Variants in LRP2 observed in about 807,000 individuals in gnomAD.
The protein encoded by LRP2 is LDL receptor related protein 2.
LRP2 carries 172 observed loss-of-function variants against 531.0 expected under a neutral mutation model. The observed-to-expected ratio is 0.32, with a 90% CI of 0.29 to 0.37. The LOEUF (loss-of-function observed/expected upper bound fraction) is 0.37, where lower values mean the gene tolerates loss of function less well. LRP2 is among the 10% of genes least tolerant of loss of function. The probability of loss-of-function intolerance (pLI) is 1.00; values close to 1 mark genes in which losing one functional copy is unlikely to be tolerated. For missense variants in LRP2, 5,167 were observed against 5,868.3 expected (o/e 0.88, Z 3.90); for synonymous variants, 1,992 against 2,027.6 (o/e 0.98, Z 0.47).
chr2:169,317,193 G>A (rs1044033684), intron 3 of LRP2, among the ~76,000 whole-genome samples: 3 of 152,150 alleles, frequency 2.0e-5, no homozygotes, highest in African/African-American at 7.2e-5. Context: ...CTTTTCCCAA[G>A]CAGTTGCCCT....
chr2:169,299,135 G>GAAAGAAAAAAAGAAAGAAAGAA (rs1684216594), intron 4 of LRP2, among the ~76,000 whole-genome samples: 3 of 64,214 alleles, frequency 4.7e-5, no homozygotes, highest in African/African-American at 1.7e-4. Flanking sequence ...AAGAAAGAAA[G>GAAAGAAAAAAAGAAAGAAAGAA]AAAGAAAGAA....
chr2:169,226,647 G>A, intron 31 of LRP2, 59 bp from the exon 32 acceptor site: 1 of 1,308,386 alleles, frequency 7.6e-7, no homozygotes, highest in African/African-American at 1.4e-5. Flanking sequence ...GACATTTAGA[G>A]TAATGGAAGG....
intron 61 of LRP2, among the ~76,000 whole-genome samples, chr2:169,167,234 T>C (rs1353196744): frequency 1.3e-5 from 2 of 152,198 alleles, no homozygotes; most frequent in Non-Finnish European, 2.9e-5. Context: ...GGCTAGTTCC[T>C]AACAAGTAAA....
intron 35 of LRP2, among the ~76,000 whole-genome samples, chr2:169,214,728 T>G (rs777265727): frequency 6.6e-6 from 1 of 152,178 alleles, no homozygotes; most frequent in Non-Finnish European, 1.5e-5. Flanking sequence ...TGTTGGGAGC[T>G]ACTCCTCAGG....
rs140468505 is a variant in LRP2, at chr2:169,186,061, C to T, written c.9329-42G>A. The T allele has an allele frequency of 3.8e-5, 59 of 1,563,258 alleles. No homozygotes were observed. The East Asian group carries it at 6.0e-4, about 16-fold the overall frequency. ...GTTCTTAGAGATCCTAAAATATCAA[C>T]GACCAACTCACTATAATGGTTCAAA... On this transcript the variant is annotated intron_variant, in intron 49 of 78. Transcript: ENST00000649046.
At chr2:169,179,676 C>T (rs1329479232) in intron 52 of LRP2, among the ~76,000 whole-genome samples, 3 of 151,590 alleles carry the variant, frequency 2.0e-5, no homozygotes, top group South Asian at 2.1e-4. Context: ...GCCGAGATCA[C>T]GCCATCGCAC....
Position 169,269,890 on chromosome 2 carries a change from A to C in LRP2, c.2320+1014T>G, listed in dbSNP as rs1574203879. Among the ~76,000 whole-genome samples the C allele has an allele frequency of 2.6e-5, 4 of 152,230 alleles. No individual in the cohort carries two copies. The South Asian group carries it at 8.3e-4, about 31-fold the overall frequency. ...GGGCTAATATCCAGAATCTACAAAG[A>C]ACTTAAACAAATTTACAAGAAAAAA... On this transcript the variant is annotated intron_variant, in intron 16 of 78. Coordinates refer to ENST00000649046, the MANE Select transcript of LRP2 (RefSeq NM_004525.3).
intron 62 of LRP2, among the ~76,000 whole-genome samples, chr2:169,164,766 C>A (rs539747300): frequency 6.6e-6 from 1 of 152,262 alleles, no homozygotes; most frequent in African/African-American, 2.4e-5. Flanking sequence ...AGTGGTCTCC[C>A]AGACTAAAAC....
In LRP2 at chr2:169,237,087, T is replaced by TA. The variant is rs745679927; in HGVS notation, c.4691+15dup. 2.1e-5 allele frequency: 34 copies of TA among 1,606,064 alleles called. No homozygotes were observed. Among genetic ancestry groups the TA allele is most frequent in the East Asian group, 1.6e-4 (7 of 44,780 alleles). On this transcript the variant is annotated intron_variant, in intron 28 of 78. Transcript: ENST00000649046. The stretch of plus-strand genomic sequence containing the variant: ...TAACCATGTCAAGGCAACATAATTT[T>TA]AAAAAAAAGTCTTACTTCATTCTGG...
intron 3 of LRP2, among the ~76,000 whole-genome samples, chr2:169,309,185 C>G (rs768549897): frequency 2.0e-5 from 3 of 152,210 alleles, no homozygotes; most frequent in Non-Finnish European, 4.4e-5. Flanking sequence ...CCTGTTCACT[C>G]TGATGGTAGT....
At chr2:169,283,729 G>T (rs1683767770) in intron 9 of LRP2, among the ~76,000 whole-genome samples, 1 of 152,080 alleles carries the variant, frequency 6.6e-6, no homozygotes, top group South Asian at 2.1e-4. Context: ...CTACTTATTG[G>T]TTAACTTATT....
Position 169,173,412 on chromosome 2 carries a change from C to A in LRP2, c.11015-188G>T, listed in dbSNP as rs17848189. 0.17 allele frequency among the ~76,000 whole-genome samples: 25,215 copies of A among 152,172 alleles called. 2,372 individuals carry two copies. The highest frequency in any genetic ancestry group is 0.36 in the East Asian group (1,844 of 5,174). On this transcript the variant is annotated intron_variant, in intron 56 of 78. Transcript: ENST00000649046. ...GCAGAAAAATAGTCCTAAGTTTTCT[C>A]AATATGTCAGCACCACTCATTTGTT...
chr2:169,270,882 C>A (rs772713706), intron 16 of LRP2, 22 bp downstream of exon 16: 2 of 1,603,376 alleles, frequency 1.2e-6, no homozygotes, highest in Non-Finnish European at 1.7e-6. Flanking sequence ...CACACACACA[C>A]ACACACACAA....
Position 169,127,286 on chromosome 2 carries a change from T to C in LRP2, c.*1377A>G, listed in dbSNP as rs912649274. On this transcript the variant is annotated 3_prime_UTR_variant, in exon 79 of 79. Coordinates refer to ENST00000649046, the MANE Select transcript of LRP2 (RefSeq NM_004525.3). ...TTCATCCATCCATCCATCCATCCAT[T>C]CATTCATTGTTTAACAAATGTGCAA... 6.6e-6 allele frequency: 1 copy of C among 151,036 alleles called. No individual in the cohort carries two copies. Among genetic ancestry groups the C allele is most frequent in the African/African-American group, 2.5e-5 (1 of 40,146 alleles). The allele number at this position is 151,036 out of a possible 1,614,324, so 9.4% of individuals were successfully genotyped here. A position where few individuals can be genotyped will look rare whatever the true frequency, so the allele number is the denominator to read the frequency against.
chr2:169,270,925 T>TA lies in LRP2; in HGVS notation c.2298dup (p.Lys767Ter). On this transcript the variant is annotated frameshift_variant, in exon 16 of 79. Transcript: ENST00000649046. LOFTEE classifies it high-confidence loss of function. Reference sequence around the variant, plus strand: ...TCACCTGTGCCATCAATCTTTTGCTTAAAAATCATGTGTTTTGACATATCT... The same window carrying TA: ...TCACCTGTGCCATCAATCTTTTGCTTAAAAAATCATGTGTTTTGACATATCT... The TA allele has an allele frequency of 6.2e-7, 1 of 1,612,926 alleles. No individual in the cohort carries two copies. The highest frequency in any genetic ancestry group is 8.5e-7 in the Non-Finnish European group (1 of 1,179,532).
intron 68 of LRP2, among the ~76,000 whole-genome samples, chr2:169,147,285 G>A (rs1685951970): frequency 6.6e-6 from 1 of 152,206 alleles, no homozygotes; most frequent in Non-Finnish European, 1.5e-5. Context: ...TACTGTGTAA[G>A]AGGCACTGTT....
rs1371999440 is a variant in LRP2 at position 169,197,044 on chromosome 2, A to C, written c.8579-14T>G. On this transcript the variant is annotated splice_polypyrimidine_tract_variant and intron_variant, in intron 45 of 78. Coordinates refer to ENST00000649046, the MANE Select transcript of LRP2 (RefSeq NM_004525.3). ...ACGTGTGAGTGGCTGCAGGAGGGAA[A>C]GAAGATAAAACCCATGAGCAAAACA... 20 of 1,613,134 alleles carry C rather than the reference A, an allele frequency of 1.2e-5. No individual in the cohort carries two copies. The highest frequency in any genetic ancestry group is 1.6e-5 in the Non-Finnish European group (19 of 1,179,866).
intron 33 of LRP2, 102 bp downstream of exon 33, chr2:169,225,206 TGC>T: frequency 8.1e-7 from 1 of 1,227,626 alleles, no homozygotes; most frequent in South Asian, 1.3e-5. Context: ...TTTTTCTTTT[TGC>T]TTAAAAATGA....
At chr2:169,240,019 T>C (rs1056540745) in intron 25 of LRP2, among the ~76,000 whole-genome samples, 7 of 152,206 alleles carry the variant, frequency 4.6e-5, no homozygotes, top group Non-Finnish European at 7.3e-5. Context: ...TACAACCCAA[T>C]AGTATAACTC....
Sources: allele counts gnomAD v4.1 joint callset (sites outside exome capture counted in the v4.1 genomes callset), GRCh38; gene constraint gnomAD v4.1.1; transcripts MANE v1.5; gene names NCBI Gene and HGNC (gene_info 2026-07-23, HGNC 2026-07-21).